ODF2: variants seen among roughly 807,000 people sequenced by gnomAD.
The protein encoded by ODF2 is outer dense fiber of sperm tails 2.
ODF2 carries 47 observed loss-of-function variants against 110.2 expected under a neutral mutation model. The ratio of observed to expected loss-of-function variants is 0.43; its 90% CI spans 0.34 to 0.54. The LOEUF is 0.54. Ranked by LOEUF, ODF2 falls within the 20% of genes least tolerant of loss-of-function variation. The pLI is 0.03. For synonymous variants in ODF2, 352 were observed against 397.7 expected, an observed-to-expected ratio of 0.89 and a Z score of 1.37; for missense variants, 812 against 1,054.5, an observed-to-expected ratio of 0.77 and a Z score of 3.19.
At position 128,497,456 on chromosome 9, in the gene ODF2, T is replaced by A. The variant is rs1486202850; in HGVS notation, c.2013-957T>A. 2.5e-3 allele frequency: 178 copies of A among 71,728 alleles called. 1 individual carries two copies. Among genetic ancestry groups the A allele is most frequent in the African/African-American group, 6.2e-3 (75 of 12,192 alleles). The allele number at this position is 71,728 out of a possible 1,614,324, so 4.4% of individuals were successfully genotyped here. ...AAAAAAAAAAAAAAAAATATATATA[T>A]ATATATATATATATATATATATATA... On this transcript the variant is annotated intron_variant, in intron 18 of 20. Transcript: ENST00000604420.
chr9:128,474,715 C>G (rs1840867996), intron 8 of ODF2, among the ~76,000 whole-genome samples: 1 of 151,110 alleles, frequency 6.6e-6, no homozygotes, highest in African/African-American at 2.4e-5. Context: ...GTAATCCCAG[C>G]CTTTGGGAGG....
exon 7 of ODF2, chr9:128,473,004 G>T: frequency 1.2e-6 from 2 of 1,614,136 alleles, no homozygotes; most frequent in Non-Finnish European, 1.7e-6. Flanking sequence ...TGCCAAGCAG[G>T]TCATGGCCTT....
intron 2 of ODF2, 150 bp from the exon 2 acceptor site, chr9:128,459,417 G>C (rs1835820310): frequency 1.6e-6 from 1 of 621,516 alleles, no homozygotes; most frequent in African/African-American, 1.8e-5. Flanking sequence ...CACATCTGGT[G>C]CTCATCTCAG....
chr9:128,494,364 T>C lies in ODF2; in HGVS notation c.1753-146T>C. 1.5e-6 allele frequency: 1 copy of C among 684,968 alleles called. No individual in the cohort carries two copies. The allele number at this position is 684,968 out of a possible 1,614,324, so 42.4% of individuals were successfully genotyped here. On this transcript the variant is annotated intron_variant, in intron 16 of 20. Coordinates refer to ENST00000604420, the Ensembl canonical transcript of ODF2. The surrounding 1 kb of genome is among the most constrained non-coding windows in gnomAD (Gnocchi z 4.6). ...GGCCAGCGGGGAGTGTAGGCCACAC[T>C]TCTGCTGTGGATTTTGCAGGATCCT...
intron 8 of ODF2, among the ~76,000 whole-genome samples, chr9:128,474,171 C>T (rs565501177): frequency 1.6e-4 from 24 of 152,146 alleles, no homozygotes; most frequent in Non-Finnish European, 2.6e-4. Flanking sequence ...ACAGCCTGGC[C>T]AACATAGTGA....
In ODF2 at chr9:128,470,018, A is replaced by T. The variant is rs4621923; in HGVS notation, c.420+665A>T. Among the ~76,000 whole-genome samples, 70 of 16,922 alleles carry T rather than the reference A, an allele frequency of 4.1e-3. 2 individuals carry two copies. In the South Asian group the frequency reaches 0.13, roughly 33 times the overall value. The allele number at this position is 16,922 out of a possible 152,430, so 11.1% of individuals were successfully genotyped here. On this transcript the variant is annotated intron_variant, in intron 5 of 20. Transcript: ENST00000604420. ...AAAAAAAAAAAAAAAAAAAAAAAAA[A>T]ATATATATATATATATATATATATA...
At chr9:128,498,709 T>C (rs754154958) in intron 19 of ODF2, 134 bp downstream of exon 19, 2 of 652,844 alleles carry the variant, frequency 3.1e-6, no homozygotes, top group Non-Finnish European at 5.3e-6. Flanking sequence ...GATCACATTT[T>C]CATCGTAGAG....
chr9:128,468,710 C>T (rs1043375108), intron 4 of ODF2, among the ~76,000 whole-genome samples: 28 of 152,068 alleles, frequency 1.8e-4, no homozygotes, highest in African/African-American at 5.8e-4. Context: ...TTAGTAGAGA[C>T]GGGGTTTCAC....
Position 128,478,324 on chromosome 9 carries a change from A to G in ODF2, c.844-3256A>G, listed in dbSNP as rs181946958. ...TCTCAAAAAGGAAAGAAAGCCAGGC[A>G]TGGCGGCTCACGCCTGTGATCCTAG... is the stretch of plus-strand genomic sequence containing the variant. On this transcript the variant is annotated intron_variant, in intron 8 of 20. Transcript: ENST00000604420. Among the ~76,000 whole-genome samples, 3 of 152,184 alleles carry G rather than the reference A, an allele frequency of 2.0e-5. No individual in the cohort carries two copies. In the East Asian group the frequency reaches 5.8e-4, roughly 29 times the overall value.
At chr9:128,493,731 C>T (rs186355205) in intron 16 of ODF2, among the ~76,000 whole-genome samples, 28 of 152,328 alleles carry the variant, frequency 1.8e-4, no homozygotes, top group Admixed American at 1.4e-3. Flanking sequence ...GATATTTCTC[C>T]CTTTCCCTCT....
intron 18 of ODF2, chr9:128,496,359 T>C (rs1845559260): frequency 2.1e-6 from 3 of 1,410,554 alleles, no homozygotes; most frequent in South Asian, 2.5e-5. Flanking sequence ...CATGACAGCA[T>C]GATCAGGATC....
At chr9:128,478,340 G>A (rs1841753308) in intron 8 of ODF2, among the ~76,000 whole-genome samples, 1 of 152,158 alleles carries the variant, frequency 6.6e-6, no homozygotes, top group African/African-American at 2.4e-5. Flanking sequence ...GCTCACGCCT[G>A]TGATCCTAGC....
At chr9:128,487,754 T>G (rs1049406280) in intron 13 of ODF2, 136 bp from the exon 14 acceptor site, 2 of 1,041,892 alleles carry the variant, frequency 1.9e-6, no homozygotes, top group Admixed American at 4.4e-5. Context: ...GCCACTGCAC[T>G]CCAGCCTAGG....
exon 21 of ODF2, chr9:128,500,206 C>G: frequency 6.2e-7 from 1 of 1,614,216 alleles, no homozygotes; most frequent in Non-Finnish European, 8.5e-7. Context: ...GGTCCCTATT[C>G]CACCTTCCTG....
At chr9:128,458,175 G>A (rs1431371018) in intron 2 of ODF2, among the ~76,000 whole-genome samples, 1 of 152,064 alleles carries the variant, frequency 6.6e-6, no homozygotes, top group Non-Finnish European at 1.5e-5. Flanking sequence ...GGGGGGCCAG[G>A]TGCGGTGGCT....
chr9:128,475,151 C>A (rs1840996072), intron 8 of ODF2, among the ~76,000 whole-genome samples: 1 of 152,046 alleles, frequency 6.6e-6, no homozygotes, highest in Admixed American at 6.6e-5. Flanking sequence ...CAACTATTTA[C>A]ATAGCATTTA....
chr9:128,479,494 C>T (rs1033784667), intron 8 of ODF2, among the ~76,000 whole-genome samples: 3 of 152,206 alleles, frequency 2.0e-5, no homozygotes, highest in African/African-American at 7.2e-5. Context: ...TGGCTGCTGC[C>T]TGGTACTGGT....
intron 2 of ODF2, among the ~76,000 whole-genome samples, chr9:128,457,988 T>C (rs979618473): frequency 1.3e-5 from 2 of 151,588 alleles, no homozygotes; most frequent in South Asian, 2.1e-4. Flanking sequence ...GTAATACATA[T>C]ACAGCAAAAC....
chr9:128,474,492 T>TG (rs1369916039), intron 8 of ODF2, among the ~76,000 whole-genome samples: 1 of 145,478 alleles, frequency 6.9e-6, no homozygotes, highest in Non-Finnish European at 1.5e-5. Context: ...GATTCCATCT[T>TG]GGGGAAAAAA....
Sources: allele counts gnomAD v4.1 joint callset (sites outside exome capture counted in the v4.1 genomes callset), GRCh38; gene constraint gnomAD v4.1.1; non-coding constraint Gnocchi (gnomAD v3.1); transcripts MANE v1.5; gene names NCBI Gene and HGNC (gene_info 2026-07-23, HGNC 2026-07-21).